COL10A1: variants seen among roughly 807,000 people sequenced by gnomAD.
The protein encoded by COL10A1 is collagen type X alpha 1 chain.
A neutral mutation model predicts 18.2 loss-of-function variants in COL10A1; 10 were observed. The ratio of observed to expected loss-of-function variants is 0.55; its 90% CI spans 0.34 to 0.93. COL10A1 has a LOEUF of 0.93. Ranked by LOEUF, COL10A1 falls within the 40% of genes least tolerant of loss-of-function variation. The pLI, the probability that COL10A1 is intolerant of heterozygous loss-of-function variation, is 0.02. For synonymous variants in COL10A1, 330 were observed against 316.6 expected (o/e 1.04, Z -0.45); for missense variants, 897 against 853.5 (o/e 1.05, Z -0.64).
At chr6:116,163,734 T>C (rs1780400241), upstream of COL10A1, among the ~76,000 whole-genome samples, 1 of 152,220 alleles carries the variant, frequency 6.6e-6, no homozygotes, top group African/African-American at 2.4e-5. Flanking sequence ...TCTATCTTTT[T>C]GATTTATGAA....
chr6:116,184,067 A>G, the COL10A1 span, among the ~76,000 whole-genome samples: 2 of 152,092 alleles, frequency 1.3e-5, no homozygotes, highest in East Asian at 1.9e-4. Context: ...ACCTTGAGGT[A>G]TGTCCCTTCT....
upstream of COL10A1, among the ~76,000 whole-genome samples, chr6:116,163,141 A>AAATATATATATATATATATAT (rs761718922): frequency 1.1e-5 from 1 of 88,410 alleles, no homozygotes; most frequent in African/African-American, 5.8e-5. Context: ...AAAAAAAAAA[A>AAATATATATATATATATATAT]ATATATATAT....
At chr6:116,171,489 C>G in the COL10A1 span, among the ~76,000 whole-genome samples, 1 of 152,104 alleles carries the variant, frequency 6.6e-6, no homozygotes, top group African/African-American at 2.4e-5. Flanking sequence ...TAATAATAAT[C>G]AGATTTCAGA....
At position 116,120,584 on chromosome 6, in the gene COL10A1, C is replaced by T; in HGVS notation, c.1532G>A (p.Gly511Glu). 2 of 1,592,802 alleles carry T rather than the reference C, an allele frequency of 1.3e-6. No individual in the cohort carries two copies. The highest frequency in any genetic ancestry group is 1.4e-5 in the African/African-American group (1 of 73,756). ...TGCTTGACCTGGTGGGCCTGGAGGC[C>T]CAGGGGGCCCTGGAAGACCAGGCTC... is the stretch of plus-strand genomic sequence containing the variant. The part of the protein sequence containing the change: ...SGEPGLPGPP[G>E]PPGPPGQAVM... The change falls in exon 3 of 3, where the codon GGG becomes GAG. Residue 511 changes from glycine (G) to glutamate (E), a missense_variant. Transcript: ENST00000651968.
chr6:116,160,737 A>G (rs1780307097), upstream of COL10A1, among the ~76,000 whole-genome samples: 1 of 152,154 alleles, frequency 6.6e-6, no homozygotes, highest in Non-Finnish European at 1.5e-5. Context: ...TTCTTCTAGT[A>G]TAATATTTAT....
chr6:116,173,815 A>G, the COL10A1 span, among the ~76,000 whole-genome samples: 1 of 152,176 alleles, frequency 6.6e-6, no homozygotes, highest in Non-Finnish European at 1.5e-5. Flanking sequence ...CCTTTGTCAC[A>G]TCTAAGAAAC....
the COL10A1 span, among the ~76,000 whole-genome samples, chr6:116,167,092 C>T: frequency 3.3e-5 from 5 of 151,978 alleles, no homozygotes; most frequent in South Asian, 2.1e-4. Context: ...ATGTGATATC[C>T]GTAGAATTAT....
At chr6:116,131,964 T>C (rs556758074) in intron 1 of COL10A1, among the ~76,000 whole-genome samples, 3 of 152,358 alleles carry the variant, frequency 2.0e-5, no homozygotes, top group African/African-American at 7.2e-5. Context: ...CTAAGGATAA[T>C]GGCCTCCAGC....
the COL10A1 span, among the ~76,000 whole-genome samples, chr6:116,205,849 A>G: frequency 1.1e-3 from 165 of 152,100 alleles, 4 homozygotes; most frequent in East Asian, 0.029. Flanking sequence ...TTTTCATTCC[A>G]TCCTGCTGTT....
At chr6:116,186,345 T>C in the COL10A1 span, among the ~76,000 whole-genome samples, 2 of 151,682 alleles carry the variant, frequency 1.3e-5, no homozygotes, top group Admixed American at 6.6e-5. Flanking sequence ...CTGGTGACTG[T>C]GTGCCTAGGT....
In COL10A1 at chr6:116,119,289, TAAAG is replaced by T. The variant is rs1158425116; in HGVS notation, c.*780_*783del. ...TATCACATAAGATTCAATAAGGAAT[TAAAG>T]AAATCAAATTAATCACACTTGTGTT... On this transcript the variant is annotated 3_prime_UTR_variant, in exon 3 of 3. Coordinates refer to ENST00000651968, the MANE Select transcript of COL10A1 (RefSeq NM_000493.4). 2 of 152,554 alleles carry T rather than the reference TAAAG, an allele frequency of 1.3e-5. No homozygotes were observed. Among genetic ancestry groups the T allele is most frequent in the African/African-American group, 2.4e-5 (1 of 41,442 alleles). 9.5% of individuals were successfully genotyped at this position (152,554 alleles called of 1,614,324 possible).
At chr6:116,136,657 T>C (rs1779612236) in intron 1 of COL10A1, among the ~76,000 whole-genome samples, 1 of 152,198 alleles carries the variant, frequency 6.6e-6, no homozygotes. Context: ...CTTACTGTTC[T>C]GATATGGCAG....
chr6:116,139,359 A>G (rs1779706344), intron 1 of COL10A1, among the ~76,000 whole-genome samples: 1 of 152,160 alleles, frequency 6.6e-6, no homozygotes, highest in African/African-American at 2.4e-5. Flanking sequence ...TACAATTATT[A>G]TATTTTGAAT....
the COL10A1 span, among the ~76,000 whole-genome samples, chr6:116,181,889 A>G: frequency 8.3e-4 from 127 of 152,226 alleles, no homozygotes; most frequent in Non-Finnish European, 1.5e-3. Flanking sequence ...TTCTATTTCA[A>G]TAGGTTTTTG....
At chr6:116,185,891 C>T in the COL10A1 span, among the ~76,000 whole-genome samples, 13 of 152,128 alleles carry the variant, frequency 8.5e-5, 1 homozygote, top group East Asian at 1.4e-3. Context: ...ATGTAGCATA[C>T]TATTCTATTC....
chr6:116,170,542 C>T, the COL10A1 span, among the ~76,000 whole-genome samples: 1 of 152,130 alleles, frequency 6.6e-6, no homozygotes, highest in African/African-American at 2.4e-5. Context: ...AAGTACCTGA[C>T]TCATAATAAG....
chr6:116,171,532 T>G, the COL10A1 span, among the ~76,000 whole-genome samples: 1 of 152,222 alleles, frequency 6.6e-6, no homozygotes, highest in African/African-American at 2.4e-5. Flanking sequence ...TTAAACCATA[T>G]GTCATATAAC....
chr6:116,133,976 T>TA (rs1779529390), intron 1 of COL10A1, among the ~76,000 whole-genome samples: 1 of 152,254 alleles, frequency 6.6e-6, no homozygotes, highest in Non-Finnish European at 1.5e-5. Context: ...CTATCTTTAA[T>TA]AACTTATGAG....
chr6:116,204,781 A>G, the COL10A1 span, among the ~76,000 whole-genome samples: 1 of 152,132 alleles, frequency 6.6e-6, no homozygotes, highest in Admixed American at 6.6e-5. Context: ...AAGGTCTATG[A>G]GAGAAAAAAC....
Sources: allele counts gnomAD v4.1 joint callset (sites outside exome capture counted in the v4.1 genomes callset), GRCh38; gene constraint gnomAD v4.1.1; transcripts MANE v1.5; gene names NCBI Gene and HGNC (gene_info 2026-07-23, HGNC 2026-07-21).